Variants in PAG1 observed in about 807,000 individuals in gnomAD.
PAG1 encodes the protein phosphoprotein associated with glycosphingolipid-enriched microdomains 1.
PAG1 carries 23 observed loss-of-function variants against 31.7 expected under a neutral mutation model. The observed-to-expected ratio is 0.73, with a 90% CI of 0.52 to 1.03. The LOEUF is 1.03. Ranked by LOEUF, PAG1 falls within the 50% of genes least tolerant of loss-of-function variation. The pLI is 0.00. For synonymous variants in PAG1, 214 were observed against 210.3 expected (o/e 1.02, Z -0.15); for missense variants, 473 against 540.7 (o/e 0.87, Z 1.24).
In PAG1 at chr8:80,975,234, T is replaced by A. The variant is rs940472877; in HGVS notation, c.*1310A>T. The A allele has an allele frequency of 1.8e-4, 28 of 152,346 alleles. No homozygotes were observed. Among genetic ancestry groups the A allele is most frequent in the African/African-American group, 6.3e-4 (26 of 41,586 alleles). 9.4% of individuals were successfully genotyped at this position (152,346 alleles called of 1,614,324 possible). A position where few individuals can be genotyped will look rare whatever the true frequency, so the allele number is the denominator to read the frequency against. ...ATTCCATTTATTTCTCTAGGGGGTC[T>A]AGGTAATTTGAATCAGGAGCTCCAA... On this transcript the variant is annotated 3_prime_UTR_variant, in exon 9 of 9. Transcript: ENST00000220597.
rs1807519666 is a variant in PAG1, at chr8:80,990,571, T to G, written c.177+908A>C. Among the ~76,000 whole-genome samples, 1 of 152,124 alleles carries G rather than the reference T, an allele frequency of 6.6e-6. No individual in the cohort carries two copies. Among genetic ancestry groups the G allele is most frequent in the African/African-American group, 2.4e-5 (1 of 41,436 alleles). ...GACGATGGGCCCCCTCCCCAGCGGCTGGGACTGCTCAGCCATTCAAAAGCA... is the reference window on the plus strand; with the variant it reads ...GACGATGGGCCCCCTCCCCAGCGGCGGGGACTGCTCAGCCATTCAAAAGCA... On this transcript the variant is annotated intron_variant, in intron 5 of 8. Transcript: ENST00000220597. The surrounding 1 kb of genome is among the most constrained non-coding windows in gnomAD (Gnocchi z 5.1).
intron 2 of PAG1, among the ~76,000 whole-genome samples, chr8:81,034,008 A>G (rs941828360): frequency 6.6e-6 from 1 of 152,240 alleles, no homozygotes; most frequent in East Asian, 1.9e-4. Context: ...GACTTCAGCA[A>G]TCTACTCCAA....
chr8:81,036,617 A>G (rs1316155047), intron 2 of PAG1, among the ~76,000 whole-genome samples: 1 of 152,212 alleles, frequency 6.6e-6, no homozygotes, highest in Non-Finnish European at 1.5e-5. Flanking sequence ...ATGGGCTATG[A>G]TGCACTGTGC....
At chr8:81,013,295 G>A (rs1808015972) in intron 3 of PAG1, among the ~76,000 whole-genome samples, 1 of 152,106 alleles carries the variant, frequency 6.6e-6, no homozygotes, top group Non-Finnish European at 1.5e-5. Flanking sequence ...TTCCCATCAG[G>A]TTGCCATGAT....
At chr8:81,003,980 A>G (rs546201566) in intron 3 of PAG1, among the ~76,000 whole-genome samples, 12 of 152,242 alleles carry the variant, frequency 7.9e-5, no homozygotes, top group African/African-American at 2.6e-4. Context: ...CCCTTCCAAA[A>G]CACCATTTGC....
chr8:81,021,550 T>TTG (rs1259238596), intron 3 of PAG1, among the ~76,000 whole-genome samples: 7 of 144,970 alleles, frequency 4.8e-5, no homozygotes, highest in African/African-American at 1.5e-4. Context: ...GCCTCTGTGT[T>TTG]TGTGTGTGTG....
At chr8:81,068,618 G>C (rs1454307132) in intron 2 of PAG1, among the ~76,000 whole-genome samples, 2 of 152,208 alleles carry the variant, frequency 1.3e-5, no homozygotes, top group Non-Finnish European at 2.9e-5. Context: ...TTTAGTGTCA[G>C]AGATATATTC....
chr8:81,065,300 T>C (rs1174303291), intron 2 of PAG1, among the ~76,000 whole-genome samples: 2 of 152,242 alleles, frequency 1.3e-5, no homozygotes, highest in Admixed American at 1.3e-4. Context: ...TCTGCATTCT[T>C]TTTTTTCTCT....
In PAG1 at chr8:80,968,369, A is replaced by G. The variant is rs181320423; in HGVS notation, c.*8175T>C. 3 of 152,378 alleles carry G rather than the reference A, an allele frequency of 2.0e-5. No homozygotes were observed. Among genetic ancestry groups the G allele is most frequent in the Admixed American group, 1.3e-4 (2 of 15,312 alleles). The allele number at this position is 152,378 out of a possible 1,614,324, so 9.4% of individuals were successfully genotyped here. ...AGTTAAATCATTTGCTCGAGGTCAC[A>G]TAGTAAAGTCAATGCTGGAACAGGG... On this transcript the variant is annotated 3_prime_UTR_variant, in exon 9 of 9. Transcript: ENST00000220597.
chr8:81,008,375 C>T (rs2400340), intron 3 of PAG1, among the ~76,000 whole-genome samples: 83,245 of 151,596 alleles, frequency 0.55, 25,478 homozygotes, highest in Non-Finnish European at 0.69. Context: ...TTACGAAGAA[C>T]ATAATTAAGA....
chr8:81,098,617 T>C (rs1809564021), intron 1 of PAG1, among the ~76,000 whole-genome samples: 1 of 152,158 alleles, frequency 6.6e-6, no homozygotes, highest in African/African-American at 2.4e-5. Flanking sequence ...AACAAAACCA[T>C]GTTATTCTTC....
chr8:81,033,932 A>G (rs1170087114), intron 2 of PAG1, among the ~76,000 whole-genome samples: 1 of 152,208 alleles, frequency 6.6e-6, no homozygotes, highest in East Asian at 1.9e-4. Flanking sequence ...CTGGGGAAGG[A>G]GTAATGATGT....
chr8:81,059,822 C>A (rs1488924443), intron 2 of PAG1, among the ~76,000 whole-genome samples: 1 of 152,032 alleles, frequency 6.6e-6, no homozygotes, highest in Non-Finnish European at 1.5e-5. Context: ...TCGAGACCAG[C>A]CTGGCCAACA....
intron 1 of PAG1, among the ~76,000 whole-genome samples, chr8:81,104,736 C>T (rs186869588): frequency 3.9e-5 from 6 of 152,216 alleles, no homozygotes; most frequent in African/African-American, 1.2e-4. Flanking sequence ...AATGTCCCCA[C>T]GCTTATCAGT....
intron 2 of PAG1, among the ~76,000 whole-genome samples, chr8:81,053,778 TTAATTTTAA>T (rs1433111798): frequency 2.6e-5 from 4 of 152,182 alleles, no homozygotes; most frequent in Non-Finnish European, 4.4e-5. Flanking sequence ...TTGGAAAATG[TTAATTTTAA>T]GGTAGATATG....
chr8:81,099,584 C>A (rs546239098), intron 1 of PAG1, among the ~76,000 whole-genome samples: 2 of 152,150 alleles, frequency 1.3e-5, no homozygotes, highest in Non-Finnish European at 2.9e-5. Flanking sequence ...ATAGAAACTA[C>A]ATTTTTATTG....
At chr8:81,014,986 A>C (rs1808048840) in intron 3 of PAG1, among the ~76,000 whole-genome samples, 1 of 152,182 alleles carries the variant, frequency 6.6e-6, no homozygotes, top group African/African-American at 2.4e-5. Context: ...TAGAAGTTCC[A>C]TAATTATAAA....
chr8:81,021,965 T>C (rs1372089788), intron 3 of PAG1, among the ~76,000 whole-genome samples: 1 of 152,192 alleles, frequency 6.6e-6, no homozygotes, highest in Non-Finnish European at 1.5e-5. Context: ...TCCACAGAAA[T>C]GCAGTGATAG....
chr8:80,993,418 C>T, intron 3 of PAG1, 111 bp from the exon 4 acceptor site: 1 of 556,488 alleles, frequency 1.8e-6, no homozygotes, highest in Non-Finnish European at 3.1e-6. Flanking sequence ...GAAGCGTGTG[C>T]TGGATGCTGA....
Sources: allele counts gnomAD v4.1 joint callset (sites outside exome capture counted in the v4.1 genomes callset), GRCh38; gene constraint gnomAD v4.1.1; non-coding constraint Gnocchi (gnomAD v3.1); transcripts MANE v1.5; gene names NCBI Gene and HGNC (gene_info 2026-07-23, HGNC 2026-07-21).